Variants in SV2C observed in about 807,000 individuals in gnomAD.
The protein encoded by SV2C is synaptic vesicle glycoprotein 2C, also known as solute carrier family 22 member B3.
Under a neutral mutation model 79.7 loss-of-function variants are expected in SV2C, and 49 were observed. That is an observed-to-expected ratio of 0.61 (90% CI 0.49 to 0.78). The LOEUF (loss-of-function observed/expected upper bound fraction) is 0.78. SV2C is among the 30% of genes least tolerant of loss of function. The probability of loss-of-function intolerance (pLI) is 0.00; values close to 1 mark genes in which losing one functional copy is unlikely to be tolerated. For missense variants in SV2C, 833 were observed against 912.9 expected, an observed-to-expected ratio of 0.91 and a Z score of 1.13; for synonymous variants, 334 against 333.2, an observed-to-expected ratio of 1.00 and a Z score of -0.03.
chr5:75,954,974 G>T, the SV2C span, among the ~76,000 whole-genome samples: 4 of 148,910 alleles, frequency 2.7e-5, no homozygotes, highest in Non-Finnish European at 4.4e-5. Context: ...ATTGCCCAAG[G>T]TAATTTACAG....
At chr5:76,346,167 T>C (rs1749533435) in intron 12 of SV2C, among the ~76,000 whole-genome samples, 1 of 152,192 alleles carries the variant, frequency 6.6e-6, no homozygotes, top group African/African-American at 2.4e-5. Context: ...TATCATTCTA[T>C]AGTATTTCCA....
In SV2C at chr5:76,285,670, C is replaced by G. The variant is rs1217989953; in HGVS notation, c.1048-111C>G. ...TGTTCCAATGGGATGTACTGAGATA[C>G]ATTTGCACAATTACACCTCATTTGA... On this transcript the variant is annotated intron_variant, in intron 5 of 12. Transcript: ENST00000502798. The G allele has an allele frequency of 6.0e-6, 5 of 834,858 alleles. No individual in the cohort carries two copies. In the Admixed American group the frequency reaches 1.2e-4, roughly 19 times the overall value. 51.7% of individuals were successfully genotyped at this position (834,858 alleles called of 1,614,324 possible).
At chr5:75,859,079 A>C in the SV2C span, among the ~76,000 whole-genome samples, 1 of 149,904 alleles carries the variant, frequency 6.7e-6, no homozygotes, top group East Asian at 2.0e-4. Flanking sequence ...ATTGTGTTTC[A>C]ATTTTATTTC....
chr5:76,109,741 G>A (rs1276157864), intron 1 of SV2C, among the ~76,000 whole-genome samples: 1 of 152,186 alleles, frequency 6.6e-6, no homozygotes, highest in African/African-American at 2.4e-5. Flanking sequence ...ACCGTGGGAA[G>A]CTGGGAAGAG....
chr5:76,163,386 A>G (rs1180749142), intron 2 of SV2C, among the ~76,000 whole-genome samples: 1 of 152,258 alleles, frequency 6.6e-6, no homozygotes, highest in Non-Finnish European at 1.5e-5. Context: ...GAATGTGTAC[A>G]TGGGGGACAA....
the SV2C span, among the ~76,000 whole-genome samples, chr5:75,917,324 C>T: frequency 1.3e-5 from 2 of 152,198 alleles, no homozygotes; most frequent in Admixed American, 1.3e-4. Flanking sequence ...AGCATTTTTA[C>T]CTTCTCTGCC....
the SV2C span, chr5:75,910,676 G>A: frequency 1.7e-6 from 2 of 1,197,606 alleles, no homozygotes; most frequent in African/African-American, 1.5e-5. Context: ...GAAAGACGAG[G>A]CCAAGACTGC....
At chr5:76,181,006 T>C (rs1469161563) in intron 2 of SV2C, among the ~76,000 whole-genome samples, 2 of 152,214 alleles carry the variant, frequency 1.3e-5, no homozygotes, top group African/African-American at 2.4e-5. Context: ...CGCAAGGCTC[T>C]CAACTGCCCT....
Position 76,132,339 on chromosome 5 carries a change from G to A in SV2C, c.580+9G>A, listed in dbSNP as rs182655756. On this transcript the variant is annotated intron_variant, in intron 2 of 12. Coordinates refer to ENST00000502798, the MANE Select transcript of SV2C (RefSeq NM_014979.4). Reference sequence around the variant, plus strand: ...AGGATCTGGATGGCTAGGTGAGTGTGTGGTGTCAGTGAGGCCAACTCTGAA... The same window carrying A: ...AGGATCTGGATGGCTAGGTGAGTGTATGGTGTCAGTGAGGCCAACTCTGAA... 538 of 1,596,362 alleles carry A rather than the reference G, an allele frequency of 3.4e-4. 2 individuals carry two copies. The African/African-American group carries it at 6.0e-3, about 18-fold the overall frequency.
chr5:75,958,844 C>T, the SV2C span, among the ~76,000 whole-genome samples: 1 of 151,902 alleles, frequency 6.6e-6, no homozygotes, highest in East Asian at 1.9e-4. Context: ...CAAGGAAACC[C>T]TCTCCTTGAC....
chr5:75,859,568 T>C, the SV2C span, among the ~76,000 whole-genome samples: 1 of 152,160 alleles, frequency 6.6e-6, no homozygotes, highest in Non-Finnish European at 1.5e-5. Flanking sequence ...TGGTCTCCCC[T>C]GTGTGAGACA....
At chr5:76,004,987 A>T in the SV2C span, among the ~76,000 whole-genome samples, 1 of 152,088 alleles carries the variant, frequency 6.6e-6, no homozygotes, top group Non-Finnish European at 1.5e-5. Context: ...CCTAAATCTC[A>T]TGATATATCA....
At chr5:76,171,268 CG>C in intron 2 of SV2C, among the ~76,000 whole-genome samples, 1 of 33,980 alleles carries the variant, frequency 2.9e-5, no homozygotes, top group Non-Finnish European at 5.9e-5. Flanking sequence ...CGTCTCCGCC[CG>C]GCCGCCATCC....
the SV2C span, among the ~76,000 whole-genome samples, chr5:76,009,552 C>T: frequency 6.6e-6 from 1 of 152,128 alleles, no homozygotes; most frequent in Non-Finnish European, 1.5e-5. Flanking sequence ...AAGTGTGGTA[C>T]GTATACACCA....
At chr5:75,902,797 A>G in the SV2C span, among the ~76,000 whole-genome samples, 1 of 152,234 alleles carries the variant, frequency 6.6e-6, no homozygotes, top group Non-Finnish European at 1.5e-5. Context: ...GGCTAACAAA[A>G]TGATTACAAA....
chr5:76,288,185 G>A (rs948582698), intron 6 of SV2C, among the ~76,000 whole-genome samples: 1 of 152,126 alleles, frequency 6.6e-6, no homozygotes, highest in Non-Finnish European at 1.5e-5. Flanking sequence ...ATCTTCAGTG[G>A]CTTATACCTA....
intron 12 of SV2C, chr5:76,353,121 T>A: frequency 2.2e-6 from 1 of 455,696 alleles, no homozygotes; most frequent in East Asian, 6.8e-5. Flanking sequence ...TTTAATTTTT[T>A]TTTTGTAGAC....
At position 76,173,050 on chromosome 5, in the gene SV2C, ATAAAT is replaced by A. The variant is rs1332569473; in HGVS notation, c.581-21864_581-21860del. Among the ~76,000 whole-genome samples the A allele has an allele frequency of 6.0e-5, 7 of 115,720 alleles. 1 individual carries two copies. Among genetic ancestry groups the A allele is most frequent in the African/African-American group, 1.0e-4 (3 of 28,904 alleles). The allele number at this position is 115,720 out of a possible 152,430, so 75.9% of individuals were successfully genotyped here. ...ACACCCAAGAATTATCAATAAAAAA[ATAAAT>A]TAAAAAAAAATACAAAAAAAAAAAA... On this transcript the variant is annotated intron_variant, in intron 2 of 12. Coordinates refer to ENST00000502798, the MANE Select transcript of SV2C (RefSeq NM_014979.4).
At chr5:76,028,895 C>G in the SV2C span, among the ~76,000 whole-genome samples, 3 of 152,208 alleles carry the variant, frequency 2.0e-5, no homozygotes. Flanking sequence ...AATAATGCCT[C>G]TAGCTGAGAA....
Sources: allele counts gnomAD v4.1 joint callset (sites outside exome capture counted in the v4.1 genomes callset), GRCh38; gene constraint gnomAD v4.1.1; transcripts MANE v1.5; gene names NCBI Gene and HGNC (gene_info 2026-07-23, HGNC 2026-07-21).